Variants in DNAJC7 observed in about 807,000 individuals in gnomAD.
DNAJC7 encodes the protein DnaJ heat shock protein family (Hsp40) member C7.
In DNAJC7, 18 loss-of-function variants were observed where a neutral mutation model predicts 67.4. The observed-to-expected ratio is 0.27, with a 90% CI of 0.18 to 0.40. The LOEUF (loss-of-function observed/expected upper bound fraction) is 0.40. DNAJC7 is among the 10% of genes least tolerant of loss of function. DNAJC7 has a pLI of 1.00. For synonymous variants in DNAJC7, 220 were observed against 207.8 expected (o/e 1.06, Z -0.50); for missense variants, 419 against 613.8 (o/e 0.68, Z 3.35).
At chr17:42,005,128 A>T (rs1555649984) in intron 1 of DNAJC7, among the ~76,000 whole-genome samples, 1 of 152,222 alleles carries the variant, frequency 6.6e-6, no homozygotes, top group Non-Finnish European at 1.5e-5. Flanking sequence ...ATGTAGTTAC[A>T]TTATCTCTCT....
intron 1 of DNAJC7, chr17:42,011,923 C>T (rs1466141649): frequency 2.0e-5 from 3 of 152,198 alleles, no homozygotes; most frequent in Admixed American, 2.0e-4. Context: ...ATTGAGAGTT[C>T]AGTTGTTCCC....
intron 1 of DNAJC7, among the ~76,000 whole-genome samples, chr17:42,004,560 A>G (rs1198174000): frequency 6.6e-6 from 1 of 152,176 alleles, no homozygotes; most frequent in East Asian, 1.9e-4. Context: ...TGACAGTAAT[A>G]AAGTTGCATG....
At chr17:41,992,405 C>T (rs1368892567) in intron 5 of DNAJC7, among the ~76,000 whole-genome samples, 1 of 152,100 alleles carries the variant, frequency 6.6e-6, no homozygotes, top group Non-Finnish European at 1.5e-5. Context: ...AACTCCCGAC[C>T]TCAGGTGATC....
chr17:41,983,480 C>G, intron 10 of DNAJC7, 83 bp downstream of exon 10: 1 of 1,254,032 alleles, frequency 8.0e-7, no homozygotes, highest in Non-Finnish European at 1.1e-6. Flanking sequence ...ATCCCTGATC[C>G]CTGAATCAAA....
intron 1 of DNAJC7, among the ~76,000 whole-genome samples, chr17:42,005,292 C>T (rs2051917659): frequency 6.6e-6 from 1 of 152,186 alleles, no homozygotes; most frequent in Non-Finnish European, 1.5e-5. Context: ...TGCACATTTA[C>T]AGCTCAACTA....
intron 7 of DNAJC7, 123 bp downstream of exon 7, chr17:41,989,281 A>G (rs2051454653): frequency 2.3e-6 from 3 of 1,330,360 alleles, no homozygotes; most frequent in Non-Finnish European, 3.1e-6. Context: ...AAGACCAAGC[A>G]TCCTTGCAAA....
chr17:41,977,387 G>A, intron 12 of DNAJC7, 64 bp from the exon 13 acceptor site: 6 of 1,412,604 alleles, frequency 4.2e-6, no homozygotes, highest in Non-Finnish European at 5.9e-6. Flanking sequence ...TGTTCGAAGA[G>A]AACTGATGAC....
At chr17:41,999,594 C>T (rs1368254124) in intron 2 of DNAJC7, among the ~76,000 whole-genome samples, 1 of 152,084 alleles carries the variant, frequency 6.6e-6, no homozygotes, top group Admixed American at 6.5e-5. Flanking sequence ...GATCTCAGCT[C>T]ACTGCAACCT....
chr17:41,979,040 T>C (rs1486480150), intron 12 of DNAJC7, among the ~76,000 whole-genome samples: 1 of 152,164 alleles, frequency 6.6e-6, no homozygotes, highest in Non-Finnish European at 1.5e-5. Flanking sequence ...AGTACCATCA[T>C]TCTTATTTTA....
chr17:42,006,562 G>A (rs1223882918), intron 1 of DNAJC7, among the ~76,000 whole-genome samples: 27 of 151,212 alleles, frequency 1.8e-4, no homozygotes, highest in East Asian at 7.8e-4. Context: ...ACTTTGGGAG[G>A]CCAAGGCAGG....
intron 13 of DNAJC7, 94 bp downstream of exon 13, chr17:41,977,167 C>G: frequency 3.1e-6 from 4 of 1,282,260 alleles, no homozygotes; most frequent in Non-Finnish European, 4.4e-6. Context: ...TGCCCCCGCT[C>G]ATGGGCCCCT....
chr17:41,986,238 C>T (rs561560921), intron 9 of DNAJC7, among the ~76,000 whole-genome samples: 5 of 151,780 alleles, frequency 3.3e-5, no homozygotes, highest in South Asian at 2.1e-4. Flanking sequence ...TGGTGACATG[C>T]GCCGGTAATC....
chr17:41,987,821 C>G lies in DNAJC7; in HGVS notation c.1008G>C (p.Gln336His), dbSNP rs369010310. 80 of 1,606,394 alleles carry G rather than the reference C, an allele frequency of 5.0e-5. No homozygotes were observed. Among genetic ancestry groups the G allele is most frequent in the Non-Finnish European group, 5.6e-5 (66 of 1,176,244 alleles). The change falls in exon 9 of 14, where the codon CAG (glutamine) becomes CAC (histidine). Residue 336 changes from glutamine to histidine, a missense_variant and splice_region_variant. Physicochemically the swap from Gln to His is conservative, Grantham distance 24. This residue lies in a region of DNAJC7 where 161 missense variants were observed against 252.2 expected (regional missense o/e 0.64). Transcript: ENST00000457167. ...CCCTACCCATCAGAGGCACTTACCA[C>G]TGAGCTCTTCTCAAGTAGGCTTTTA... ...TYIKAYLRRA[Q>H]CYMDTEQYEE...
chr17:41,978,109 G>A (rs2051140013), intron 12 of DNAJC7, among the ~76,000 whole-genome samples: 1 of 152,112 alleles, frequency 6.6e-6, no homozygotes, highest in Admixed American at 6.6e-5. Context: ...CAAGTAACTT[G>A]CCCACGATCA....
At chr17:42,010,702 G>C (rs1023958309) in intron 1 of DNAJC7, among the ~76,000 whole-genome samples, 2 of 152,108 alleles carry the variant, frequency 1.3e-5, no homozygotes, top group Non-Finnish European at 2.9e-5. Flanking sequence ...CCAAAAACAA[G>C]AGAGGGTCCT....
At chr17:42,002,702 T>C (rs782368665) in intron 1 of DNAJC7, among the ~76,000 whole-genome samples, 3 of 152,242 alleles carry the variant, frequency 2.0e-5, no homozygotes, top group African/African-American at 4.8e-5. Flanking sequence ...CTTTCTACTA[T>C]GCCAAGCTTT....
Position 41,976,598 on chromosome 17 carries a change from CAG to C in DNAJC7, c.*133_*134del. 3 of 1,142,574 alleles carry C rather than the reference CAG, an allele frequency of 2.6e-6. No homozygotes were observed. The highest frequency in any genetic ancestry group is 3.7e-6 in the Non-Finnish European group (3 of 814,364). The allele number at this position is 1,142,574 out of a possible 1,614,324, so 70.8% of individuals were successfully genotyped here. On this transcript the variant is annotated 3_prime_UTR_variant, in exon 14 of 14. Coordinates refer to ENST00000457167, the MANE Select transcript of DNAJC7 (RefSeq NM_003315.4). ...TTGCTCCACCCCACTCACAGAGACA[CAG>C]GGCATCCAACTGAGAAAACGAAACT...
chr17:42,003,983 TCTAA>T (rs1226445083), intron 1 of DNAJC7, among the ~76,000 whole-genome samples: 2 of 109,276 alleles, frequency 1.8e-5, no homozygotes. Context: ...TTAGATGGAG[TCTAA>T]CTCTTTTGCC....
chr17:41,978,652 G>A (rs1371395743), intron 12 of DNAJC7, among the ~76,000 whole-genome samples: 3 of 152,104 alleles, frequency 2.0e-5, no homozygotes, highest in East Asian at 1.9e-4. Context: ...GAGGTCAGGA[G>A]ATCGAGATCA....
Sources: allele counts gnomAD v4.1 joint callset (sites outside exome capture counted in the v4.1 genomes callset), GRCh38; gene constraint gnomAD v4.1.1; regional missense constraint gnomAD v4.1.1; transcripts MANE v1.5; gene names NCBI Gene and HGNC (gene_info 2026-07-23, HGNC 2026-07-21).